EHBP1: variants seen among roughly 807,000 people sequenced by gnomAD.
EHBP1 encodes the protein EH domain-binding protein 1.
In EHBP1, 55 loss-of-function variants were observed where a neutral mutation model predicts 144.0. The observed-to-expected ratio is 0.38, with a 90% confidence interval of 0.31 to 0.48. The LOEUF is 0.48. Among genes scored for constraint, EHBP1 ranks in the 20% least tolerant of loss-of-function variants. The pLI, the probability that EHBP1 is intolerant of heterozygous loss-of-function variation, is 0.98. For synonymous variants in EHBP1, 469 were observed against 472.7 expected, an observed-to-expected ratio of 0.99 and a Z score of 0.10; for missense variants, 1,200 against 1,364.2, an observed-to-expected ratio of 0.88 and a Z score of 1.90.
At chr2:62,943,770 A>T (rs75746135) in intron 11 of EHBP1, 32 bp from the exon 12 acceptor site, 2 of 1,513,000 alleles carry the variant, frequency 1.3e-6, no homozygotes, top group Non-Finnish European at 1.8e-6. Context: ...ATCAAATACT[A>T]TATGTACCCA....
chr2:62,697,418 C>T (rs957711501), intron 1 of EHBP1, among the ~76,000 whole-genome samples: 1 of 152,194 alleles, frequency 6.6e-6, no homozygotes, highest in African/African-American at 2.4e-5. Flanking sequence ...TACAATAATA[C>T]ACATCTGATA....
chr2:62,845,492 C>G (rs983830481), intron 7 of EHBP1, among the ~76,000 whole-genome samples: 1 of 152,052 alleles, frequency 6.6e-6, no homozygotes, highest in Non-Finnish European at 1.5e-5. Flanking sequence ...TATGACTCAG[C>G]CCTCTGAGAT....
intron 19 of EHBP1, among the ~76,000 whole-genome samples, chr2:62,999,825 C>T (rs2059779580): frequency 1.3e-5 from 2 of 151,958 alleles, no homozygotes; most frequent in Admixed American, 1.3e-4. Context: ...TGGGTATATA[C>T]CGAGGATTGG....
intron 21 of EHBP1, among the ~76,000 whole-genome samples, chr2:63,043,438 G>A (rs1275343579): frequency 2.0e-5 from 3 of 151,984 alleles, no homozygotes; most frequent in Non-Finnish European, 2.9e-5. Flanking sequence ...GTTTTATATC[G>A]AATGTGGATA....
intron 10 of EHBP1, among the ~76,000 whole-genome samples, chr2:62,935,345 AT>A (rs372392698): frequency 0.022 from 1,698 of 76,616 alleles, 16 homozygotes; most frequent in African/African-American, 0.048. Flanking sequence ...AAAAAAAAAA[AT>A]ATATATATAT....
intron 18 of EHBP1, among the ~76,000 whole-genome samples, chr2:62,995,346 C>G (rs1360364129): frequency 6.6e-6 from 1 of 151,898 alleles, no homozygotes; most frequent in African/African-American, 2.4e-5. Context: ...CTGCCATAAT[C>G]AATTTAATAA....
chr2:62,825,974 T>C, intron 5 of EHBP1, 113 bp from the exon 6 acceptor site: 1 of 691,966 alleles, frequency 1.4e-6, no homozygotes, highest in Non-Finnish European at 2.2e-6. Flanking sequence ...AGGAATGTAA[T>C]AGGAGAAGGA....
intron 8 of EHBP1, among the ~76,000 whole-genome samples, 158 bp downstream of exon 8, chr2:62,859,449 T>TTCTG (rs1479802325): frequency 6.6e-6 from 1 of 152,228 alleles, no homozygotes. Flanking sequence ...TGATCAGCAA[T>TTCTG]TCTGGGTCAC....
intron 10 of EHBP1, among the ~76,000 whole-genome samples, chr2:62,925,167 G>A (rs2055397379): frequency 6.6e-6 from 1 of 152,116 alleles, no homozygotes; most frequent in Non-Finnish European, 1.5e-5. Context: ...CATTGTTCAT[G>A]ATAAAACTCT....
chr2:62,741,686 G>A (rs753732023), intron 2 of EHBP1, among the ~76,000 whole-genome samples: 1 of 151,996 alleles, frequency 6.6e-6, no homozygotes, highest in Admixed American at 6.6e-5. Context: ...GCTAATTCCC[G>A]GTCTAGAATT....
intron 2 of EHBP1, among the ~76,000 whole-genome samples, chr2:62,729,482 T>TAA (rs1275420381): frequency 1.9e-5 from 2 of 106,874 alleles, no homozygotes; most frequent in African/African-American, 7.6e-5. Context: ...TAAAAATATA[T>TAA]ATAAATATAT....
chr2:62,859,314 TAA>T, intron 8 of EHBP1, 23 bp downstream of exon 8: 1 of 1,592,056 alleles, frequency 6.3e-7, no homozygotes, highest in Non-Finnish European at 8.6e-7. Flanking sequence ...TCTGTAATTT[TAA>T]AGTCTTTGTA....
chr2:62,985,967 T>G (rs1211338928), intron 15 of EHBP1, among the ~76,000 whole-genome samples: 1 of 152,206 alleles, frequency 6.6e-6, no homozygotes, highest in Non-Finnish European at 1.5e-5. Context: ...TTTTTCATAT[T>G]GTGTATACAG....
chr2:62,726,109 G>T (rs1021244936), intron 2 of EHBP1, among the ~76,000 whole-genome samples: 1 of 152,110 alleles, frequency 6.6e-6, no homozygotes, highest in Non-Finnish European at 1.5e-5. Flanking sequence ...TCTCCTATGG[G>T]AGCAAGTCAA....
At chr2:62,789,978 G>C (rs554254960) in intron 5 of EHBP1, among the ~76,000 whole-genome samples, 1 of 152,252 alleles carries the variant, frequency 6.6e-6, no homozygotes, top group South Asian at 2.1e-4. Flanking sequence ...ATAATTTGTT[G>C]AGAAAAATGT....
chr2:62,815,653 A>G (rs2045384823), intron 5 of EHBP1, among the ~76,000 whole-genome samples: 1 of 152,146 alleles, frequency 6.6e-6, no homozygotes, highest in Non-Finnish European at 1.5e-5. Flanking sequence ...CAAATGTTTT[A>G]TTGAAACTGA....
intron 7 of EHBP1, among the ~76,000 whole-genome samples, chr2:62,851,298 T>C (rs2048677614): frequency 6.6e-6 from 1 of 152,206 alleles, no homozygotes; most frequent in African/African-American, 2.4e-5. Context: ...CCCCATCTAA[T>C]TCCATTTCCT....
chr2:62,974,329 G>A (rs1049501911), intron 14 of EHBP1, among the ~76,000 whole-genome samples: 1 of 152,128 alleles, frequency 6.6e-6, no homozygotes, highest in African/African-American at 2.4e-5. Flanking sequence ...ATAGGTATGT[G>A]CCATCATGAC....
intron 5 of EHBP1, among the ~76,000 whole-genome samples, chr2:62,784,250 A>G (rs899137184): frequency 2.0e-5 from 3 of 152,212 alleles, no homozygotes; most frequent in African/African-American, 7.2e-5. Context: ...GATATTTTCC[A>G]AAATCACATT....
Sources: gnomAD v4.1 joint callset for allele counts (sites outside exome capture counted in the v4.1 genomes callset) on GRCh38, gnomAD v4.1.1 for gene constraint, MANE v1.5 for transcripts, NCBI Gene and HGNC (gene_info 2026-07-23, HGNC 2026-07-21) for gene names.